The following GFI1 variants were observed in gnomAD, a reference collection of about 807,000 sequenced individuals.
GFI1 encodes the protein zinc finger protein Gfi-1.
In GFI1, 15 loss-of-function variants were observed where a neutral mutation model predicts 39.2. The observed-to-expected ratio is 0.38, with a 90% CI of 0.26 to 0.59. GFI1 has a LOEUF of 0.59. Ranked by LOEUF, GFI1 falls within the 20% of genes least tolerant of loss-of-function variation. The pLI, the probability that GFI1 is intolerant of heterozygous loss-of-function variation, is 0.62. For synonymous variants in GFI1, 239 were observed against 254.3 expected (o/e 0.94, Z 0.57); for missense variants, 475 against 574.0 (o/e 0.83, Z 1.76).
In GFI1 at chr1:92,480,064, C is replaced by T. The variant is rs144973320; in HGVS notation, c.924+284G>A. 1.2e-3 allele frequency among the ~76,000 whole-genome samples: 182 copies of T among 152,294 alleles called. 1 individual carries two copies. The highest frequency in any genetic ancestry group is 4.3e-3 in the African/African-American group (177 of 41,580). ...GATATATCAGCAGCACGAATCAGTGCATACAAACCTACCTCAAGCCCAAAG... is the reference window on the plus strand; with the variant it reads ...GATATATCAGCAGCACGAATCAGTGTATACAAACCTACCTCAAGCCCAAAG... On this transcript the variant is annotated intron_variant, in intron 5 of 6. Coordinates refer to ENST00000294702, the MANE Select transcript of GFI1 (RefSeq NM_005263.5). This position sits in a 1 kb window ranked among gnomAD's most constrained non-coding sequence, Gnocchi z 5.6.
At chr1:92,486,620 G>C (rs1658538902) in intron 1 of GFI1, 106 bp downstream of exon 1, 1 of 142,226 alleles carries the variant, frequency 7.0e-6, no homozygotes, top group African/African-American at 2.6e-5. Context: ...CCTGGAGCCC[G>C]GCGAGTGGCC....
chr1:92,475,408 T>C lies in GFI1; in HGVS notation c.*621A>G, dbSNP rs1011245799. 1 of 157,358 alleles carries C rather than the reference T, an allele frequency of 6.4e-6. No individual in the cohort carries two copies. Among genetic ancestry groups the C allele is most frequent in the African/African-American group, 2.4e-5 (1 of 41,434 alleles). 9.7% of individuals were successfully genotyped at this position (157,358 alleles called of 1,614,324 possible). A position where few individuals can be genotyped will look rare whatever the true frequency, so the allele number is the denominator to read the frequency against. ...TTGGGGGTAGCCTCGATGGTGCATC[T>C]CATGACTTCAAAGTATTAAATTCCT... On this transcript the variant is annotated 3_prime_UTR_variant, in exon 7 of 7. Transcript: ENST00000294702.
Position 92,481,723 on chromosome 1 carries a change from G to T in GFI1, c.299-635C>A, listed in dbSNP as rs546772372. 1.6e-4 allele frequency among the ~76,000 whole-genome samples: 25 copies of T among 152,228 alleles called. No individual in the cohort carries two copies. Among genetic ancestry groups the T allele is most frequent in the Non-Finnish European group, 3.1e-4 (21 of 68,028 alleles). On this transcript the variant is annotated intron_variant, in intron 3 of 6. Coordinates refer to ENST00000294702, the MANE Select transcript of GFI1 (RefSeq NM_005263.5). The surrounding 1 kb of genome is among the most constrained non-coding windows in gnomAD (Gnocchi z 4.3). Reference sequence around the variant, plus strand: ...AGGAGCAGCAGGAAAGGGGCTTTTGGGCTTAAATTGACAGCCAAATACTCC... The same window carrying T: ...AGGAGCAGCAGGAAAGGGGCTTTTGTGCTTAAATTGACAGCCAAATACTCC...
chr1:92,483,273 G>T, intron 2 of GFI1, 100 bp downstream of exon 2: 2 of 778,132 alleles, frequency 2.6e-6, no homozygotes, highest in Non-Finnish European at 2.2e-6. Flanking sequence ...GCAGCAAAAG[G>T]GACGTTGGGG....
chr1:92,478,563 C>G, intron 6 of GFI1, 25 bp downstream of exon 6: 1 of 1,610,002 alleles, frequency 6.2e-7, no homozygotes, highest in Non-Finnish European at 8.5e-7. Flanking sequence ...GTGTTTCCTA[C>G]AAGCCAAGGG....
chr1:92,483,352 T>C, intron 2 of GFI1, 21 bp downstream of exon 2: 3 of 1,386,810 alleles, frequency 2.2e-6, no homozygotes, highest in Non-Finnish European at 3.0e-6. Context: ...CAGCCCCGCC[T>C]GGCCCGCGCG....
Position 92,483,588 on chromosome 1 carries a change from T to C in GFI1, c.-99-2A>G. On this transcript the variant is annotated splice_acceptor_variant, in intron 1 of 6. Transcript: ENST00000294702. LOFTEE classifies it low-confidence loss of function (5UTR_SPLICE). The stretch of plus-strand genomic sequence containing the variant: ...GCTCAGCCCCAGCCCGGAGGAGACC[T>C]GAGAGGGAAAGAAAACCAGGTGGAG... 1.3e-6 allele frequency: 1 copy of C among 747,320 alleles called. No individual in the cohort carries two copies. The highest frequency in any genetic ancestry group is 2.7e-5 in the East Asian group (1 of 37,312). 46.3% of individuals were successfully genotyped at this position (747,320 alleles called of 1,614,324 possible). A position where few individuals can be genotyped will look rare whatever the true frequency, so the allele number is the denominator to read the frequency against.
rs372553729 is a variant in GFI1, at chr1:92,478,730, G to T, written c.948C>A (p.Ile316=). The T allele has an allele frequency of 2.0e-5, 31 of 1,583,422 alleles. No individual in the cohort carries two copies. The highest frequency in any genetic ancestry group is 1.1e-4 in the East Asian group (5 of 44,066). ...ATGACCTCTTGAAGCTCTTCCCACA[G>T]ATCTTACAGTCAAAGCTCCGTTCCT... is the stretch of plus-strand genomic sequence containing the variant. ...HSQERSFDCK[I]CGKSFKRSST... Residue 316 remains isoleucine (I), a synonymous_variant, in exon 6 of 7, where the codon ATC becomes ATA. Coordinates refer to ENST00000294702, the MANE Select transcript of GFI1 (RefSeq NM_005263.5).
chr1:92,483,429 G>C lies in GFI1; in HGVS notation c.59C>G (p.Ser20Cys). ...KKAHSYHQPR[S>C]PGPDYSLRLE... ...ACGGAGGGAATAGTCTGGTCCTGGG[G>C]AGCGCGGCTGGTGGTAGCTGTGAGC... is the stretch of plus-strand genomic sequence containing the variant. The change falls in exon 2 of 7, where the codon TCC becomes TGC. Residue 20 changes from serine to cysteine, a missense_variant. Ser to Cys is a moderately radical substitution (Grantham distance 112, BLOSUM62 -1). Transcript: ENST00000294702. 6.2e-7 allele frequency: 1 copy of C among 1,613,684 alleles called. No homozygotes were observed.
chr1:92,483,340 A>G, intron 2 of GFI1, 33 bp downstream of exon 2: 1 of 1,228,064 alleles, frequency 8.1e-7, no homozygotes, highest in Non-Finnish European at 1.2e-6. Flanking sequence ...CATCCGGGGG[A>G]GCAGCCCCGC....
chr1:92,479,806 TTGTGCAAC>T lies in GFI1; in HGVS notation c.924+534_924+541del, dbSNP rs1261939261. Among the ~76,000 whole-genome samples the T allele has an allele frequency of 2.0e-5, 3 of 151,946 alleles. No homozygotes were observed. In the East Asian group the frequency reaches 5.8e-4, roughly 29 times the overall value. ...AGGGGGAGGTTGCAGTGAGCTGAGA[TTGTGCAAC>T]TGCCCTCCAGCCTGGGCAACAGAGC... On this transcript the variant is annotated intron_variant, in intron 5 of 6. Transcript: ENST00000294702.
chr1:92,485,464 C>A (rs541231810), intron 1 of GFI1, among the ~76,000 whole-genome samples: 1 of 152,132 alleles, frequency 6.6e-6, no homozygotes, highest in African/African-American at 2.4e-5. Context: ...AGAGACCAGG[C>A]GGACGCGGAG....
rs1382990210 is a variant in GFI1 at position 92,481,657 on chromosome 1, A to G, written c.299-569T>C. Among the ~76,000 whole-genome samples the G allele has an allele frequency of 6.6e-6, 1 of 152,196 alleles. No individual in the cohort carries two copies. The highest frequency in any genetic ancestry group is 1.9e-4 in the East Asian group (1 of 5,188). On this transcript the variant is annotated intron_variant, in intron 3 of 6. Coordinates refer to ENST00000294702, the MANE Select transcript of GFI1 (RefSeq NM_005263.5). This position sits in a 1 kb window ranked among gnomAD's most constrained non-coding sequence, Gnocchi z 4.3. Reference sequence around the variant, plus strand: ...CTGCTGTCTGAATAAACCCGAAGGTATTAAGATTTCACGAAGTTAAGTGCC... The same window carrying G: ...CTGCTGTCTGAATAAACCCGAAGGTGTTAAGATTTCACGAAGTTAAGTGCC...
chr1:92,483,938 G>C (rs932541052), intron 1 of GFI1: 36 of 287,588 alleles, frequency 1.3e-4, no homozygotes, highest in South Asian at 1.2e-3. Flanking sequence ...CATCGGGTGG[G>C]TTACCCCAAC....
At chr1:92,476,606 T>A (rs1657992724) in intron 6 of GFI1, among the ~76,000 whole-genome samples, 1 of 152,254 alleles carries the variant, frequency 6.6e-6, no homozygotes, top group African/African-American at 2.4e-5. Context: ...TAAAACCGTG[T>A]GACTCCGTTC....
At chr1:92,478,545 G>A in intron 6 of GFI1, 43 bp downstream of exon 6, 1 of 1,549,296 alleles carries the variant, frequency 6.5e-7, no homozygotes. Flanking sequence ...AGTAATGTTG[G>A]CCTCAGGGTG....
rs1557668786 is a variant in GFI1, at chr1:92,480,321, G to A, written c.924+27C>T. ...ATGCAGAAGATCCCCGAGCAGGGCC[G>A]CGCGCGGCGGTGCGCCCCGCGCTTA... is the stretch of plus-strand genomic sequence containing the variant. On this transcript the variant is annotated intron_variant, in intron 5 of 6. Transcript: ENST00000294702. This position sits in a 1 kb window ranked among gnomAD's most constrained non-coding sequence, Gnocchi z 5.6. 1 of 1,543,402 alleles carries A rather than the reference G, an allele frequency of 6.5e-7. No homozygotes were observed. Among genetic ancestry groups the A allele is most frequent in the Non-Finnish European group, 8.7e-7 (1 of 1,145,668 alleles).
At chr1:92,476,390 A>T (rs567886133) in intron 6 of GFI1, among the ~76,000 whole-genome samples, 183 bp from the exon 7 acceptor site, 17 of 152,318 alleles carry the variant, frequency 1.1e-4, no homozygotes, top group Admixed American at 1.1e-3. Flanking sequence ...AGTCCCTGGA[A>T]GCACCATGGG....
rs1553162340 is a variant in GFI1 at position 92,475,935 on chromosome 1, G to GGGAGTGGAGGCAAGCAGGGAGC, written c.*72_*93dup. On this transcript the variant is annotated 3_prime_UTR_variant, in exon 7 of 7. Transcript: ENST00000294702. ...GGACCTGGGGTCTGGAAAGTCAGAAGGGAGTGGAGGCAAGCAGGGAGCAGA... is the reference window on the plus strand; with the variant it reads ...GGACCTGGGGTCTGGAAAGTCAGAAGGGAGTGGAGGCAAGCAGGGAGCGGAGTGGAGGCAAGCAGGGAGCAGA... 1.2e-5 allele frequency: 14 copies of GGGAGTGGAGGCAAGCAGGGAGC among 1,198,766 alleles called. No homozygotes were observed. In the East Asian group the frequency reaches 2.9e-4, roughly 25 times the overall value. The allele number at this position is 1,198,766 out of a possible 1,614,324, so 74.3% of individuals were successfully genotyped here. A position where few individuals can be genotyped will look rare whatever the true frequency, so the allele number is the denominator to read the frequency against.
Sources: gnomAD v4.1 joint callset for allele counts (sites outside exome capture counted in the v4.1 genomes callset) on GRCh38, gnomAD v4.1.1 for gene constraint, Gnocchi (gnomAD v3.1) non-coding constraint, MANE v1.5 for transcripts, NCBI Gene and HGNC (gene_info 2026-07-23, HGNC 2026-07-21) for gene names.